Variants in ACTR3C observed in about 807,000 individuals in gnomAD.
The protein encoded by ACTR3C is actin-related protein 3C.
A neutral mutation model predicts 26.3 loss-of-function variants in ACTR3C; 18 were observed. The observed-to-expected ratio is 0.68, with a 90% CI of 0.47 to 1.01. The LOEUF is 1.01. Ranked by LOEUF, ACTR3C falls within the 50% of genes least tolerant of loss-of-function variation. The pLI, the probability that ACTR3C is intolerant of heterozygous loss-of-function variation, is 0.00. For synonymous variants in ACTR3C, 55 were observed against 94.5 expected (o/e 0.58, Z 2.42); for missense variants, 184 against 250.7 (o/e 0.73, Z 1.80).
chr7:150,260,998 A>C (rs913012553), intron 6 of ACTR3C, among the ~76,000 whole-genome samples: 1 of 152,182 alleles, frequency 6.6e-6, no homozygotes, highest in African/African-American at 2.4e-5. Context: ...AATTATATTG[A>C]AACTGTAGTA....
the ACTR3C span, among the ~76,000 whole-genome samples, chr7:149,899,568 T>A: frequency 2.3e-5 from 3 of 127,824 alleles, no homozygotes; most frequent in African/African-American, 2.8e-5. Context: ...CATTACCCAG[T>A]CCAAACAAAA....
chr7:150,016,263 C>A, the ACTR3C span, among the ~76,000 whole-genome samples: 1 of 152,096 alleles, frequency 6.6e-6, no homozygotes, highest in Non-Finnish European at 1.5e-5. Context: ...ATACCCCAAG[C>A]CATAGCTCAA....
the ACTR3C span, among the ~76,000 whole-genome samples, chr7:149,962,875 G>C: frequency 6.6e-6 from 1 of 152,170 alleles, no homozygotes; most frequent in Admixed American, 6.5e-5. Flanking sequence ...CCCATAGTGG[G>C]AGGAAGTGTT....
At chr7:149,968,492 C>T in the ACTR3C span, among the ~76,000 whole-genome samples, 3 of 152,152 alleles carry the variant, frequency 2.0e-5, no homozygotes, top group Admixed American at 2.0e-4. Flanking sequence ...GAGATTGTAC[C>T]ACTGCACTCC....
the ACTR3C span, among the ~76,000 whole-genome samples, chr7:150,035,048 C>G: frequency 7.7e-6 from 1 of 130,464 alleles, no homozygotes; most frequent in Non-Finnish European, 1.7e-5. Flanking sequence ...TCTCAGTAAT[C>G]CCACGTAAGG....
chr7:150,321,147 T>TA (rs1797469206), intron 1 of ACTR3C, among the ~76,000 whole-genome samples: 1 of 152,176 alleles, frequency 6.6e-6, no homozygotes, highest in South Asian at 2.1e-4. Flanking sequence ...AAAATCTCCC[T>TA]AACCTTTATG....
chr7:149,906,578 C>A, the ACTR3C span, among the ~76,000 whole-genome samples: 2 of 150,862 alleles, frequency 1.3e-5, no homozygotes, highest in East Asian at 1.9e-4. Flanking sequence ...ATTACAGGCA[C>A]CCGCCACCAT....
the ACTR3C span, among the ~76,000 whole-genome samples, chr7:149,918,148 T>A: frequency 6.6e-6 from 1 of 152,056 alleles, no homozygotes; most frequent in Non-Finnish European, 1.5e-5. Flanking sequence ...CCTTAAATTT[T>A]CTATTTCTCC....
chr7:150,026,379 C>T, the ACTR3C span, among the ~76,000 whole-genome samples: 2 of 152,080 alleles, frequency 1.3e-5, no homozygotes, highest in African/African-American at 2.4e-5. Context: ...TATATTCAAG[C>T]GTTCCTGCTC....
chr7:150,055,918 G>A, the ACTR3C span, among the ~76,000 whole-genome samples: 1 of 152,118 alleles, frequency 6.6e-6, no homozygotes, highest in African/African-American at 2.4e-5. Context: ...AATCAATAAA[G>A]TTAATAAACA....
At chr7:150,037,810 A>AC in the ACTR3C span, among the ~76,000 whole-genome samples, 190 of 44,626 alleles carry the variant, frequency 4.3e-3, 1 homozygote, top group South Asian at 0.02. Flanking sequence ...CAGCGGGGGA[A>AC]GAGGGACTGG....
the ACTR3C span, among the ~76,000 whole-genome samples, chr7:149,969,310 T>A: frequency 1.6e-5 from 2 of 125,946 alleles, no homozygotes; most frequent in African/African-American, 5.8e-5. Flanking sequence ...TGTGTGTGTG[T>A]GTGTGTGTGT....
the ACTR3C span, among the ~76,000 whole-genome samples, chr7:149,986,817 C>T: frequency 5.4e-5 from 8 of 146,878 alleles, no homozygotes; most frequent in Non-Finnish European, 1.2e-4. Flanking sequence ...GTGTGACTGC[C>T]CACACTTCTA....
the ACTR3C span, among the ~76,000 whole-genome samples, chr7:150,058,050 C>T: frequency 5.3e-5 from 8 of 152,186 alleles, no homozygotes; most frequent in African/African-American, 1.9e-4. Context: ...TGACTTTTAG[C>T]TCAGGGATAA....
chr7:150,213,848 AAGAGT>A, the ACTR3C span, among the ~76,000 whole-genome samples: 1 of 145,164 alleles, frequency 6.9e-6, no homozygotes, highest in African/African-American at 2.6e-5. Context: ...AAAATGAAAG[AAGAGT>A]AGAGAAAGAA....
chr7:149,942,714 A>G, the ACTR3C span, among the ~76,000 whole-genome samples: 4 of 150,388 alleles, frequency 2.7e-5, no homozygotes, highest in African/African-American at 1.0e-4. Context: ...CCAGCGAAGT[A>G]TGGAATATTT....
At chr7:150,185,088 G>A in the ACTR3C span, among the ~76,000 whole-genome samples, 1 of 151,608 alleles carries the variant, frequency 6.6e-6, no homozygotes, top group Non-Finnish European at 1.5e-5. Context: ...TGATCCCTTT[G>A]GTGTGATTAG....
chr7:150,141,516 A>C, the ACTR3C span, among the ~76,000 whole-genome samples: 1 of 150,970 alleles, frequency 6.6e-6, no homozygotes, highest in Non-Finnish European at 1.5e-5. Flanking sequence ...CTTCCCTGCT[A>C]TTTATACAAC....
At chr7:149,978,287 A>G in the ACTR3C span, among the ~76,000 whole-genome samples, 2 of 152,050 alleles carry the variant, frequency 1.3e-5, no homozygotes, top group African/African-American at 4.8e-5. Context: ...GCAGGGGTTC[A>G]TGGCCCCTCC....
Sources: gnomAD v4.1 joint callset for allele counts (sites outside exome capture counted in the v4.1 genomes callset) on GRCh38, gnomAD v4.1.1 for gene constraint, MANE v1.5 for transcripts, NCBI Gene and HGNC (gene_info 2026-07-23, HGNC 2026-07-21) for gene names.